The following CALD1 variants were observed in gnomAD, a reference collection of about 807,000 sequenced individuals.
The protein encoded by CALD1 is caldesmon 1.
A neutral mutation model predicts 99.9 loss-of-function variants in CALD1; 33 were observed. The ratio of observed to expected loss-of-function variants is 0.33; its 90% CI spans 0.25 to 0.44. The LOEUF (loss-of-function observed/expected upper bound fraction) is 0.44. Ranked by LOEUF, CALD1 falls within the 20% of genes least tolerant of loss-of-function variation. The pLI is 1.00. For missense variants in CALD1, 861 were observed against 962.1 expected (o/e 0.89, Z 1.39); for synonymous variants, 310 against 325.0 (o/e 0.95, Z 0.50).
Position 134,867,781 on chromosome 7 carries a change from G to A in CALD1, c.48G>A (p.Glu16=), listed in dbSNP as rs761173886. The A allele has an allele frequency of 1.9e-6, 3 of 1,607,364 alleles. No individual in the cohort carries two copies. Among genetic ancestry groups the A allele is most frequent in the East Asian group, 2.2e-5 (1 of 44,802 alleles). Residue 16 remains glutamate, a synonymous_variant, in exon 3 of 15, where the codon GAG becomes GAA. Coordinates refer to ENST00000361675, the MANE Select transcript of CALD1 (RefSeq NM_033138.4). ...GAGAACTTAGAAGGCAAAAGAGGGA[G>A]GAGATGCGACTCGAAGCAGAAAGGT... ...RRRELRRQKR[E]EMRLEAERIA... is the part of the protein sequence containing the mutation.
chr7:134,869,695 G>T (rs577090255), intron 3 of CALD1, among the ~76,000 whole-genome samples: 2 of 152,300 alleles, frequency 1.3e-5, no homozygotes, highest in South Asian at 2.1e-4. Context: ...TCCAAAAGGG[G>T]ATTTCCTGCA....
chr7:134,849,794 T>A (rs1336799718), intron 2 of CALD1, among the ~76,000 whole-genome samples: 1 of 151,976 alleles, frequency 6.6e-6, no homozygotes, highest in Non-Finnish European at 1.5e-5. Context: ...GTCAGTAGAG[T>A]TTAAGCCGCA....
At chr7:134,765,422 C>A (rs7778822) in intron 1 of CALD1, among the ~76,000 whole-genome samples, 2 of 151,882 alleles carry the variant, frequency 1.3e-5, no homozygotes, top group Non-Finnish European at 2.9e-5. Flanking sequence ...TTTTTTAAAA[C>A]CCTAGTAAGA....
intron 3 of CALD1, among the ~76,000 whole-genome samples, chr7:134,913,444 CTTTG>C (rs1353267633): frequency 1.3e-5 from 2 of 152,090 alleles, no homozygotes; most frequent in Admixed American, 6.6e-5. Flanking sequence ...TTAAATGTAT[CTTTG>C]TTTTATTGTC....
chr7:134,726,619 C>G, the CALD1 span, among the ~76,000 whole-genome samples: 1 of 151,060 alleles, frequency 6.6e-6, no homozygotes, highest in Non-Finnish European at 1.5e-5. Context: ...CATTGGCAGA[C>G]AGCTGGCAGT....
At chr7:134,857,400 G>T (rs988783100) in intron 2 of CALD1, among the ~76,000 whole-genome samples, 1 of 151,320 alleles carries the variant, frequency 6.6e-6, no homozygotes, top group East Asian at 1.9e-4. Context: ...CTCGTGATCC[G>T]CCCGCCTCGG....
chr7:134,950,301 C>T, intron 8 of CALD1, 73 bp from the exon 9 acceptor site: 3 of 1,479,668 alleles, frequency 2.0e-6, no homozygotes, highest in East Asian at 2.3e-5. Flanking sequence ...ACTGTGCTCT[C>T]TCTCCTACAG....
At chr7:134,953,264 A>C (rs1232263753) in intron 9 of CALD1, among the ~76,000 whole-genome samples, 1 of 152,164 alleles carries the variant, frequency 6.6e-6, no homozygotes, top group Admixed American at 6.5e-5. Context: ...GTATCACCTG[A>C]GGTCAGGAGT....
intron 3 of CALD1, among the ~76,000 whole-genome samples, chr7:134,892,004 C>T (rs1398896356): frequency 6.6e-6 from 1 of 152,164 alleles, no homozygotes; most frequent in Non-Finnish European, 1.5e-5. Context: ...TTCTAAAGGT[C>T]TGCTGTTAAT....
intron 1 of CALD1, among the ~76,000 whole-genome samples, chr7:134,758,549 C>T (rs1293434836): frequency 3.4e-5 from 5 of 146,090 alleles, no homozygotes; most frequent in African/African-American, 1.2e-4. Flanking sequence ...TTTCCAAGAA[C>T]ACAGCAGTGG....
the CALD1 span, among the ~76,000 whole-genome samples, chr7:134,736,382 A>G: frequency 6.6e-6 from 1 of 152,138 alleles, no homozygotes; most frequent in Admixed American, 6.5e-5. Flanking sequence ...ACACACACGA[A>G]CATGCACCCT....
intron 3 of CALD1, chr7:134,920,773 A>ATT: frequency 1.1e-6 from 1 of 884,176 alleles, no homozygotes; most frequent in Non-Finnish European, 1.6e-6. Context: ...TCATTCTGTC[A>ATT]GATAGTGAGT....
At chr7:134,823,475 T>A (rs1798862934) in intron 1 of CALD1, among the ~76,000 whole-genome samples, 1 of 152,198 alleles carries the variant, frequency 6.6e-6, no homozygotes, top group Non-Finnish European at 1.5e-5. Flanking sequence ...TGTTGTAGAA[T>A]TCAGCCTTTG....
chr7:134,946,496 C>CCT (rs1400520769), intron 7 of CALD1, among the ~76,000 whole-genome samples: 1 of 152,164 alleles, frequency 6.6e-6, no homozygotes, highest in African/African-American at 2.4e-5. Context: ...TACCGCCCAC[C>CCT]CTCTGCCTCT....
intron 1 of CALD1, among the ~76,000 whole-genome samples, chr7:134,831,720 A>G (rs1799229264): frequency 6.6e-6 from 1 of 152,146 alleles, no homozygotes; most frequent in Non-Finnish European, 1.5e-5. Flanking sequence ...TAACTTCTAG[A>G]GATTTGATGA....
chr7:134,823,575 CT>C (rs906042116), intron 1 of CALD1, among the ~76,000 whole-genome samples: 7 of 152,130 alleles, frequency 4.6e-5, no homozygotes, highest in African/African-American at 1.7e-4. Context: ...CTTAAACATG[CT>C]TTTAAAATCC....
Position 134,913,480 on chromosome 7 carries a change from G to T in CALD1, c.72-15274G>T, listed in dbSNP as rs1803973742. 2.0e-5 allele frequency among the ~76,000 whole-genome samples: 3 copies of T among 152,086 alleles called. No homozygotes were observed. In the South Asian group the frequency reaches 6.2e-4, roughly 32 times the overall value. ...TGTCATTCTGTCCTTTTAAATTTCT[G>T]TTCATTGTGTTTTGTAATGTCTACA... On this transcript the variant is annotated intron_variant, in intron 3 of 14. Transcript: ENST00000361675.
intron 3 of CALD1, among the ~76,000 whole-genome samples, chr7:134,898,367 A>T (rs1034136906): frequency 7.9e-5 from 12 of 152,336 alleles, no homozygotes; most frequent in East Asian, 1.9e-4. Flanking sequence ...TTAAAATTTA[A>T]TATCAGAGGA....
chr7:134,926,010 T>C (rs191555338), intron 3 of CALD1, among the ~76,000 whole-genome samples: 158 of 152,284 alleles, frequency 1.0e-3, no homozygotes, highest in South Asian at 7.3e-3. Context: ...AGGCCAAGAA[T>C]CTGAAGGGTG....
Sources: allele counts gnomAD v4.1 joint callset (sites outside exome capture counted in the v4.1 genomes callset), GRCh38; gene constraint gnomAD v4.1.1; transcripts MANE v1.5; gene names NCBI Gene and HGNC (gene_info 2026-07-23, HGNC 2026-07-21).